The following LDB2 variants were observed in gnomAD, a reference collection of about 807,000 sequenced individuals.
LDB2 encodes LIM domain-binding protein 2.
LDB2 carries 12 observed loss-of-function variants against 44.3 expected under a neutral mutation model. That is an observed-to-expected ratio of 0.27 (90% confidence interval 0.17 to 0.44). LDB2 has a LOEUF of 0.44. Among genes scored for constraint, LDB2 ranks in the 20% least tolerant of loss-of-function variants. The probability of loss-of-function intolerance (pLI) is 1.00; values close to 1 mark genes in which losing one functional copy is unlikely to be tolerated. For missense variants in LDB2, 344 were observed against 473.5 expected (o/e 0.73, Z 2.54); for synonymous variants, 164 against 174.8 (o/e 0.94, Z 0.49).
chr4:16,565,115 T>C (rs1206707905), intron 5 of LDB2, among the ~76,000 whole-genome samples: 1 of 152,178 alleles, frequency 6.6e-6, no homozygotes, highest in Non-Finnish European at 1.5e-5. Flanking sequence ...ATGACGAAAT[T>C]AGTTTTACAG....
chr4:16,682,370 G>C (rs1748160296), intron 2 of LDB2, among the ~76,000 whole-genome samples: 1 of 152,172 alleles, frequency 6.6e-6, no homozygotes, highest in South Asian at 2.1e-4. Flanking sequence ...GAAATGGAGA[G>C]ACCAGGCATC....
chr4:16,767,097 G>A (rs1487889460), intron 1 of LDB2, among the ~76,000 whole-genome samples: 4 of 152,078 alleles, frequency 2.6e-5, no homozygotes, highest in African/African-American at 4.8e-5. Flanking sequence ...CATATTAAAA[G>A]CATCTGCATC....
At chr4:16,520,601 G>C (rs114257256) in intron 5 of LDB2, among the ~76,000 whole-genome samples, 1 of 152,072 alleles carries the variant, frequency 6.6e-6, no homozygotes, top group African/African-American at 2.4e-5. Context: ...GAAAGTTATC[G>C]CGTCCAACCC....
rs950759988 is a variant in LDB2 at position 16,830,402 on chromosome 4, T to C, written c.132+67952A>G. 1.7e-4 allele frequency among the ~76,000 whole-genome samples: 26 copies of C among 152,190 alleles called. 1 individual carries two copies. Among genetic ancestry groups the C allele is most frequent in the African/African-American group, 6.3e-4 (26 of 41,440 alleles). On this transcript the variant is annotated intron_variant, in intron 1 of 7. Coordinates refer to ENST00000304523, the MANE Select transcript of LDB2 (RefSeq NM_001290.5). ...GTGCCTATTATTCCTTCTGTGGTGA[T>C]TGTAAGTCCCCCAAGGCCTCCCCAG...
At chr4:16,584,112 C>T (rs776235123) in intron 5 of LDB2, among the ~76,000 whole-genome samples, 6 of 152,130 alleles carry the variant, frequency 3.9e-5, no homozygotes, top group African/African-American at 1.2e-4. Context: ...CTACGTGGCT[C>T]CAGCACATCA....
At chr4:16,624,464 C>A (rs1341326916) in intron 2 of LDB2, among the ~76,000 whole-genome samples, 4 of 152,124 alleles carry the variant, frequency 2.6e-5, no homozygotes, top group Non-Finnish European at 5.9e-5. Context: ...TTGGTAACTA[C>A]ATTTTTTATT....
chr4:16,615,610 T>TG (rs1222353647), intron 2 of LDB2, among the ~76,000 whole-genome samples: 2 of 148,896 alleles, frequency 1.3e-5, no homozygotes, highest in African/African-American at 5.0e-5. Context: ...TGTTGGGGGG[T>TG]GGGGGGTGAA....
chr4:16,892,731 T>C (rs1053932728), intron 1 of LDB2, among the ~76,000 whole-genome samples: 1 of 152,144 alleles, frequency 6.6e-6, no homozygotes, highest in Non-Finnish European at 1.5e-5. Context: ...ATGTGGACAA[T>C]TGTAATAAAA....
chr4:16,876,422 G>C (rs1457454506), intron 1 of LDB2, among the ~76,000 whole-genome samples: 1 of 152,180 alleles, frequency 6.6e-6, no homozygotes, highest in African/African-American at 2.4e-5. Flanking sequence ...GAGTTTAAAA[G>C]ATAAAGAGTT....
chr4:16,577,088 A>G (rs1711960625), intron 5 of LDB2, among the ~76,000 whole-genome samples: 1 of 152,200 alleles, frequency 6.6e-6, no homozygotes, highest in African/African-American at 2.4e-5. Flanking sequence ...CTTCCACATA[A>G]TAAAATCCAT....
At chr4:16,860,272 T>C (rs926313839) in intron 1 of LDB2, among the ~76,000 whole-genome samples, 1 of 152,208 alleles carries the variant, frequency 6.6e-6, no homozygotes, top group African/African-American at 2.4e-5. Flanking sequence ...ATGAGACCTT[T>C]AAGAAATGCA....
intron 5 of LDB2, among the ~76,000 whole-genome samples, chr4:16,551,541 G>A (rs967760764): frequency 1.6e-4 from 24 of 151,604 alleles, no homozygotes; most frequent in African/African-American, 4.8e-4. Flanking sequence ...TTTTTGAGAC[G>A]GAGTCTCACT....
At chr4:16,661,926 A>C (rs1741699231) in intron 2 of LDB2, among the ~76,000 whole-genome samples, 1 of 152,164 alleles carries the variant, frequency 6.6e-6, no homozygotes, top group Non-Finnish European at 1.5e-5. Context: ...TTACTGGGGC[A>C]GGTAGCACTC....
intron 1 of LDB2, among the ~76,000 whole-genome samples, chr4:16,775,581 T>G (rs1771713447): frequency 6.6e-6 from 1 of 152,212 alleles, no homozygotes; most frequent in Non-Finnish European, 1.5e-5. Flanking sequence ...TTACTATGGT[T>G]GTCAGTGACA....
At chr4:16,729,094 A>G (rs565354087) in intron 2 of LDB2, among the ~76,000 whole-genome samples, 1 of 152,346 alleles carries the variant, frequency 6.6e-6, no homozygotes, top group Non-Finnish European at 1.5e-5. Context: ...AAGCTCCTGA[A>G]TTACACAGAA....
chr4:16,567,163 C>T (rs922215729), intron 5 of LDB2, among the ~76,000 whole-genome samples: 2 of 152,082 alleles, frequency 1.3e-5, no homozygotes, highest in African/African-American at 4.8e-5. Context: ...TTTTTAGTTG[C>T]TCCTGTGCAA....
chr4:16,664,433 A>G (rs1742448647), intron 2 of LDB2, among the ~76,000 whole-genome samples: 1 of 152,174 alleles, frequency 6.6e-6, no homozygotes, highest in African/African-American at 2.4e-5. Flanking sequence ...ATGGAACACA[A>G]AATTTGCTCA....
chr4:16,726,381 A>C (rs1759466625), intron 2 of LDB2: 1 of 151,880 alleles, frequency 6.6e-6, no homozygotes, highest in Admixed American at 6.5e-5. Context: ...TACAGTGCAG[A>C]TGAAATTCAA....
chr4:16,800,754 C>A (rs1471900845), intron 1 of LDB2, among the ~76,000 whole-genome samples: 12 of 152,154 alleles, frequency 7.9e-5, no homozygotes, highest in Admixed American at 3.3e-4. Context: ...GGCTCACTGC[C>A]AGCTCCGCCT....
Sources: allele counts gnomAD v4.1 joint callset (sites outside exome capture counted in the v4.1 genomes callset), GRCh38; gene constraint gnomAD v4.1.1; transcripts MANE v1.5; gene names NCBI Gene and HGNC (gene_info 2026-07-23, HGNC 2026-07-21).